The following GRID2 variants were observed in gnomAD, a reference collection of about 807,000 sequenced individuals.
GRID2 encodes glutamate ionotropic receptor delta type subunit 2, also known as glutamate receptor ionotropic, delta-2.
A neutral mutation model predicts 114.8 loss-of-function variants in GRID2; 33 were observed. The ratio of observed to expected loss-of-function variants is 0.29; its 90% confidence interval spans 0.22 to 0.38. GRID2 has a LOEUF of 0.38. Ranked by LOEUF, GRID2 falls within the 10% of genes least tolerant of loss-of-function variation. The pLI is 1.00. For missense variants in GRID2, 1,184 were observed against 1,257.7 expected (o/e 0.94, Z 0.89); for synonymous variants, 505 against 449.9 (o/e 1.12, Z -1.55).
At chr4:93,488,764 T>C (rs1560673385) in intron 11 of GRID2, among the ~76,000 whole-genome samples, 1 of 151,954 alleles carries the variant, frequency 6.6e-6, no homozygotes, top group Non-Finnish European at 1.5e-5. Context: ...TCCTGAGGCC[T>C]CTCCCCTTGG....
chr4:93,034,743 A>G (rs1724760997), intron 2 of GRID2, among the ~76,000 whole-genome samples: 1 of 152,184 alleles, frequency 6.6e-6, no homozygotes, highest in Admixed American at 6.5e-5. Context: ...ACAGAAAAAA[A>G]TCACCAGAGA....
At chr4:92,786,456 T>G (rs80241603) in intron 2 of GRID2, among the ~76,000 whole-genome samples, 3,474 of 151,936 alleles carry the variant, frequency 0.023, 99 homozygotes, top group East Asian at 0.12. Flanking sequence ...ATTTTAACTC[T>G]ATATTCTTTT....
At chr4:92,903,699 G>T (rs1333654088) in intron 2 of GRID2, among the ~76,000 whole-genome samples, 2 of 151,732 alleles carry the variant, frequency 1.3e-5, no homozygotes. Context: ...ATTTTAAAAG[G>T]CACAGTATTT....
At chr4:93,532,344 T>A (rs1731533068) in intron 13 of GRID2, among the ~76,000 whole-genome samples, 1 of 152,150 alleles carries the variant, frequency 6.6e-6, no homozygotes, top group African/African-American at 2.4e-5. Context: ...TACTCACAAA[T>A]TATTGCTTTC....
chr4:92,480,988 C>T (rs974564433), intron 1 of GRID2, among the ~76,000 whole-genome samples: 11 of 152,032 alleles, frequency 7.2e-5, no homozygotes, highest in Non-Finnish European at 1.2e-4. Flanking sequence ...TGTCTAGTTT[C>T]GTGAGGTTTC....
chr4:93,800,834 A>G (rs371729482), intron 1 of GRID2, among the ~76,000 whole-genome samples: 3 of 115,928 alleles, frequency 2.6e-5, no homozygotes, highest in East Asian at 4.6e-4. Flanking sequence ...TTGTAGATAT[A>G]GACACCAACG....
At chr4:93,667,653 A>T (rs983363376) in intron 14 of GRID2, among the ~76,000 whole-genome samples, 2 of 152,026 alleles carry the variant, frequency 1.3e-5, no homozygotes, top group African/African-American at 4.8e-5. Context: ...CCATTTGCTG[A>T]AAATGAAAGT....
rs149144142 is a variant in GRID2, at chr4:93,385,495, G to A, written c.1246-10112G>A. On this transcript the variant is annotated intron_variant, in intron 8 of 15. Coordinates refer to ENST00000282020, the MANE Select transcript of GRID2 (RefSeq NM_001510.4). ...AGAAAAATAAGAGCCATTTATTCAT[G>A]CAATAAATTTTCATTGTGTGTGAAT... 7.9e-3 allele frequency among the ~76,000 whole-genome samples: 1,208 copies of A among 152,202 alleles called. 10 individuals carry two copies. Among genetic ancestry groups the A allele is most frequent in the South Asian group, 0.023 (109 of 4,824 alleles).
intron 1 of GRID2, among the ~76,000 whole-genome samples, chr4:92,345,801 T>A (rs745571534): frequency 6.6e-6 from 1 of 152,212 alleles, no homozygotes; most frequent in Non-Finnish European, 1.5e-5. Flanking sequence ...TGAGGTCTCT[T>A]GTAAATTAAA....
intron 1 of GRID2, among the ~76,000 whole-genome samples, chr4:92,442,677 A>C (rs544750549): frequency 6.6e-6 from 1 of 151,986 alleles, no homozygotes; most frequent in Non-Finnish European, 1.5e-5. Context: ...ATGTATATTG[A>C]GAATAAGATG....
chr4:92,863,951 C>A (rs535848802), intron 2 of GRID2, among the ~76,000 whole-genome samples: 1 of 152,112 alleles, frequency 6.6e-6, no homozygotes, highest in African/African-American at 2.4e-5. Flanking sequence ...GATTAAATAA[C>A]CCATGTTAGA....
intron 12 of GRID2, among the ~76,000 whole-genome samples, chr4:93,491,646 T>G (rs2149461158): frequency 6.6e-6 from 1 of 152,024 alleles, no homozygotes; most frequent in Middle Eastern, 3.4e-3. Context: ...GGACATTCAT[T>G]TCCCAAAAAG....
chr4:93,284,733 G>A (rs1752971430), intron 8 of GRID2, among the ~76,000 whole-genome samples: 1 of 151,696 alleles, frequency 6.6e-6, no homozygotes, highest in Non-Finnish European at 1.5e-5. Context: ...ACATTATATA[G>A]AGGAAAAATA....
At chr4:93,226,581 C>T (rs1340243164) in intron 7 of GRID2, among the ~76,000 whole-genome samples, 1 of 152,186 alleles carries the variant, frequency 6.6e-6, no homozygotes, top group Non-Finnish European at 1.5e-5. Flanking sequence ...TTTGCTGGAC[C>T]CAGCTTCTGC....
intron 2 of GRID2, among the ~76,000 whole-genome samples, chr4:92,803,371 A>C (rs1042104404): frequency 7.9e-5 from 12 of 152,034 alleles, no homozygotes; most frequent in Non-Finnish European, 1.3e-4. Flanking sequence ...GAGTTTTAAC[A>C]CAAATGTAAA....
chr4:92,878,607 A>G (rs747706477), intron 2 of GRID2, among the ~76,000 whole-genome samples: 3 of 152,188 alleles, frequency 2.0e-5, no homozygotes, highest in Admixed American at 6.5e-5. Context: ...TTTCAAAAGC[A>G]AAACAGTGAC....
intron 11 of GRID2, among the ~76,000 whole-genome samples, chr4:93,486,806 CTT>C (rs765200961): frequency 5.9e-5 from 9 of 151,678 alleles, no homozygotes; most frequent in African/African-American, 9.7e-5. Context: ...ATTGGAATAA[CTT>C]TGTCAGGTTT....
Position 93,769,323 on chromosome 4 carries a change from C to A in GRID2, c.2474C>A (p.Ala825Asp), listed in dbSNP as rs142238251. The change falls in exon 15 of 16, where the codon GCC becomes GAC. Residue 825 changes from alanine (A) to aspartate (D), a missense_variant. Transcript: ENST00000282020. ...SSVDTKQKGG[A>D]LDIKSFAGVF... ...GTGGACACAAAGCAGAAAGGAGGCGCCCTGGACATAAAGAGCTTTGCAGGG... is the reference window on the plus strand; with the variant it reads ...GTGGACACAAAGCAGAAAGGAGGCGACCTGGACATAAAGAGCTTTGCAGGG... 1.6e-5 allele frequency: 26 copies of A among 1,613,970 alleles called. No individual in the cohort carries two copies. Among genetic ancestry groups the A allele is most frequent in the Non-Finnish European group, 2.2e-5 (26 of 1,179,990 alleles).
chr4:92,840,132 T>C (rs931495001), intron 2 of GRID2, among the ~76,000 whole-genome samples: 1 of 152,072 alleles, frequency 6.6e-6, no homozygotes, highest in Non-Finnish European at 1.5e-5. Flanking sequence ...AATATAAGTA[T>C]AGTGACTCCT....
Sources: allele counts gnomAD v4.1 joint callset (sites outside exome capture counted in the v4.1 genomes callset), GRCh38; gene constraint gnomAD v4.1.1; transcripts MANE v1.5; gene names NCBI Gene and HGNC (gene_info 2026-07-23, HGNC 2026-07-21).